ACKR3: variants seen among roughly 807,000 people sequenced by gnomAD.
ACKR3 encodes the protein atypical chemokine receptor 3.
Under a neutral mutation model 22.4 loss-of-function variants are expected in ACKR3, and 6 were observed. That is an observed-to-expected ratio of 0.27 (90% CI 0.15 to 0.53). ACKR3 has a LOEUF of 0.53. Ranked by LOEUF, ACKR3 falls within the 20% of genes least tolerant of loss-of-function variation. The probability of loss-of-function intolerance (pLI) is 0.96; values close to 1 mark genes in which losing one functional copy is unlikely to be tolerated. For missense variants in ACKR3, 396 were observed against 475.2 expected (o/e 0.83, Z 1.55); for synonymous variants, 209 against 205.2 (o/e 1.02, Z -0.16).
chr2:236,547,677 T>A, the ACKR3 span, among the ~76,000 whole-genome samples: 9 of 152,310 alleles, frequency 5.9e-5, no homozygotes, highest in African/African-American at 2.2e-4. Flanking sequence ...AATTCTAGAT[T>A]GACAGCTGTG....
At chr2:236,560,820 C>T in the ACKR3 span, among the ~76,000 whole-genome samples, 4 of 152,266 alleles carry the variant, frequency 2.6e-5, no homozygotes, top group Middle Eastern at 3.4e-3. Context: ...ATCCAAAAGA[C>T]TTGAAACTGG....
the ACKR3 span, among the ~76,000 whole-genome samples, chr2:236,539,306 C>CTTTTTTTTTTTTTTTT: frequency 2.5e-5 from 3 of 120,750 alleles, no homozygotes; most frequent in African/African-American, 6.3e-5. Flanking sequence ...TTTTTCTTTT[C>CTTTTTTTTTTTTTTTT]TTTTTTTTTT....
chr2:236,540,986 T>A, the ACKR3 span, among the ~76,000 whole-genome samples: 2 of 152,372 alleles, frequency 1.3e-5, no homozygotes, highest in East Asian at 3.9e-4. Flanking sequence ...ACTGGGGACA[T>A]CTTACTGCAC....
chr2:236,555,620 G>C, the ACKR3 span, among the ~76,000 whole-genome samples: 1 of 152,140 alleles, frequency 6.6e-6, no homozygotes, highest in Admixed American at 6.5e-5. Flanking sequence ...GAGAAGCAGA[G>C]AAAAGAAACA....
At chr2:236,542,639 G>T in the ACKR3 span, among the ~76,000 whole-genome samples, 2 of 152,144 alleles carry the variant, frequency 1.3e-5, no homozygotes, top group Admixed American at 1.3e-4. Flanking sequence ...CCCCATCTGT[G>T]TCTGCCTTTG....
At chr2:236,559,465 C>T in the ACKR3 span, among the ~76,000 whole-genome samples, 1 of 152,218 alleles carries the variant, frequency 6.6e-6, no homozygotes, top group African/African-American at 2.4e-5. Context: ...CCTCTGTCCT[C>T]AAGTTGGTAC....
intron 1 of ACKR3, among the ~76,000 whole-genome samples, chr2:236,572,703 T>C (rs1691334282): frequency 6.6e-6 from 1 of 152,178 alleles, no homozygotes; most frequent in African/African-American, 2.4e-5. Flanking sequence ...CTTTGTGACG[T>C]GGGAATCTCT....
chr2:236,571,686 G>A (rs936327378), intron 1 of ACKR3, among the ~76,000 whole-genome samples: 12 of 148,106 alleles, frequency 8.1e-5, no homozygotes, highest in Admixed American at 6.8e-5. Flanking sequence ...GTGGCTTTTT[G>A]TGTGATCATT....
the ACKR3 span, among the ~76,000 whole-genome samples, chr2:236,549,599 G>A: frequency 0.012 from 1,895 of 152,294 alleles, 23 homozygotes; most frequent in African/African-American, 0.035. The surrounding 1 kb of genome is among the most constrained non-coding windows in gnomAD (Gnocchi z 5.3). Flanking sequence ...GAGTCAAGAT[G>A]TTCATTAGGG....
chr2:236,554,941 G>GCATCA, the ACKR3 span, among the ~76,000 whole-genome samples: 1 of 152,188 alleles, frequency 6.6e-6, no homozygotes, highest in Non-Finnish European at 1.5e-5. Context: ...CATCAGAGTA[G>GCATCA]GGGTTCACTG....
upstream of ACKR3, among the ~76,000 whole-genome samples, chr2:236,567,450 A>T (rs1056408648): frequency 6.6e-6 from 1 of 152,200 alleles, no homozygotes; most frequent in Non-Finnish European, 1.5e-5. Context: ...CTGAAAGCAC[A>T]ATCTTCCAAA....
At chr2:236,572,157 A>G (rs532598696) in intron 1 of ACKR3, among the ~76,000 whole-genome samples, 1 of 152,308 alleles carries the variant, frequency 6.6e-6, no homozygotes, top group South Asian at 2.1e-4. Flanking sequence ...CTGATTTTGA[A>G]TATTTGATGG....
the ACKR3 span, among the ~76,000 whole-genome samples, chr2:236,557,591 T>TTC: frequency 2.6e-5 from 4 of 152,202 alleles, no homozygotes; most frequent in Non-Finnish European, 4.4e-5. Context: ...GAGTAATGGA[T>TTC]TATAACTCAC....
At chr2:236,541,723 T>A in the ACKR3 span, among the ~76,000 whole-genome samples, 1 of 152,208 alleles carries the variant, frequency 6.6e-6, no homozygotes, top group African/African-American at 2.4e-5. Flanking sequence ...AATCCCAATG[T>A]CAAGGGTGGG....
chr2:236,547,497 T>G, the ACKR3 span, among the ~76,000 whole-genome samples: 2 of 151,324 alleles, frequency 1.3e-5, no homozygotes, highest in African/African-American at 4.9e-5. Flanking sequence ...GTTTCCTTCT[T>G]GCATATCAGA....
chr2:236,566,353 T>G (rs1031017296), upstream of ACKR3, among the ~76,000 whole-genome samples: 5 of 152,220 alleles, frequency 3.3e-5, no homozygotes, highest in Non-Finnish European at 7.3e-5. Context: ...GGGACAGCGG[T>G]AGGGACAGCG....
the ACKR3 span, among the ~76,000 whole-genome samples, chr2:236,537,253 A>C: frequency 6.6e-6 from 1 of 152,152 alleles, no homozygotes; most frequent in Non-Finnish European, 1.5e-5. Context: ...GCTGACAGGG[A>C]GAATGGAGGA....
intron 1 of ACKR3, among the ~76,000 whole-genome samples, chr2:236,572,424 G>C (rs1691328531): frequency 6.6e-6 from 1 of 152,230 alleles, no homozygotes; most frequent in Non-Finnish European, 1.5e-5. Flanking sequence ...CCAGGGCAGT[G>C]TGGGGGACTT....
intron 1 of ACKR3, among the ~76,000 whole-genome samples, chr2:236,573,863 C>T (rs971905012): frequency 5.9e-5 from 9 of 152,302 alleles, no homozygotes; most frequent in African/African-American, 2.2e-4. Context: ...CCTTGCCCAC[C>T]CTTTAAGGCC....
Sources: allele counts gnomAD v4.1 joint callset (sites outside exome capture counted in the v4.1 genomes callset), GRCh38; gene constraint gnomAD v4.1.1; non-coding constraint Gnocchi (gnomAD v3.1); transcripts MANE v1.5; gene names NCBI Gene and HGNC (gene_info 2026-07-23, HGNC 2026-07-21).